MACROD2: variants seen among roughly 807,000 people sequenced by gnomAD.
MACROD2 encodes ADP-ribose glycohydrolase MACROD2.
In MACROD2, 36 loss-of-function variants were observed where a neutral mutation model predicts 70.4. The ratio of observed to expected loss-of-function variants is 0.51; its 90% CI spans 0.39 to 0.68. MACROD2 has a LOEUF of 0.68. MACROD2 is among the 30% of genes least tolerant of loss of function. MACROD2 has a pLI of 0.00. For missense variants in MACROD2, 496 were observed against 538.4 expected (o/e 0.92, Z 0.78); for synonymous variants, 172 against 178.8 (o/e 0.96, Z 0.30).
rs990333308 is a variant in MACROD2 at position 14,025,201 on chromosome 20, G to A, written c.163+22797G>A. 1.5e-4 allele frequency among the ~76,000 whole-genome samples: 23 copies of A among 152,198 alleles called. 1 individual carries two copies. Among genetic ancestry groups the A allele is most frequent in the South Asian group, 4.1e-4 (2 of 4,820 alleles). ...TGTGATAGTAGTTTGTATTTCTGTGGGATCACTGGTGATCTCCCCTTTATC... is the reference window on the plus strand; with the variant it reads ...TGTGATAGTAGTTTGTATTTCTGTGAGATCACTGGTGATCTCCCCTTTATC... On this transcript the variant is annotated intron_variant, in intron 2 of 17. Transcript: ENST00000684519.
rs187429482 is a variant in MACROD2 at position 15,748,874 on chromosome 20, G to C, written c.646-113871G>C. On this transcript the variant is annotated intron_variant, in intron 8 of 17. Transcript: ENST00000684519. Reference sequence around the variant, plus strand: ...GTGGGGAGGTGGAGGGCTATAGTAAGAAGAGCAGGCTTTAATCTTCGTTCC... The same window carrying C: ...GTGGGGAGGTGGAGGGCTATAGTAACAAGAGCAGGCTTTAATCTTCGTTCC... Among the ~76,000 whole-genome samples, 113 of 152,232 alleles carry C rather than the reference G, an allele frequency of 7.4e-4. 1 individual carries two copies. Among genetic ancestry groups the C allele is most frequent in the African/African-American group, 2.6e-3 (109 of 41,548 alleles).
chr20:14,846,188 A>G (rs539364543), intron 5 of MACROD2, among the ~76,000 whole-genome samples: 2 of 152,280 alleles, frequency 1.3e-5, no homozygotes, highest in South Asian at 4.1e-4. Flanking sequence ...GGTAGAGACT[A>G]TCAGTTTAAG....
chr20:15,154,157 G>A (rs73097568), intron 5 of MACROD2, among the ~76,000 whole-genome samples: 30,291 of 152,082 alleles, frequency 0.2, 4,152 homozygotes, highest in Non-Finnish European at 0.3. Flanking sequence ...TTCTAGCAGC[G>A]ATATTTCTTC....
intron 3 of MACROD2, among the ~76,000 whole-genome samples, chr20:14,331,640 T>A (rs2082843326): frequency 1.3e-5 from 2 of 152,148 alleles, no homozygotes; most frequent in African/African-American, 4.8e-5. Context: ...AAACAGTTCA[T>A]GTTTAACTAC....
intron 3 of MACROD2, among the ~76,000 whole-genome samples, chr20:14,116,461 G>A (rs572684530): frequency 6.6e-5 from 10 of 152,214 alleles, no homozygotes; most frequent in African/African-American, 2.2e-4. Context: ...TAGTTAGAAT[G>A]GTGGTAAATT....
At chr20:14,459,588 T>G (rs1159993512) in intron 3 of MACROD2, among the ~76,000 whole-genome samples, 1 of 152,072 alleles carries the variant, frequency 6.6e-6, no homozygotes, top group Non-Finnish European at 1.5e-5. Context: ...GCTTTAAAAC[T>G]TTCTCCTTTA....
chr20:15,271,194 A>T (rs973061323), intron 6 of MACROD2, among the ~76,000 whole-genome samples: 1 of 152,194 alleles, frequency 6.6e-6, no homozygotes, highest in Non-Finnish European at 1.5e-5. Flanking sequence ...AGATCAAAGC[A>T]CTAGCAGATT....
intron 2 of MACROD2, among the ~76,000 whole-genome samples, chr20:14,056,993 A>G (rs1191892586): frequency 6.6e-6 from 1 of 151,984 alleles, no homozygotes; most frequent in Non-Finnish European, 1.5e-5. Context: ...AATATATTTT[A>G]TTCTTCATCA....
chr20:14,199,792 G>C (rs991288536), intron 3 of MACROD2, among the ~76,000 whole-genome samples: 1 of 151,742 alleles, frequency 6.6e-6, no homozygotes, highest in Non-Finnish European at 1.5e-5. Flanking sequence ...ACAGTTTTTT[G>C]AGGCAGGTAC....
chr20:14,784,564 A>G (rs935188080), intron 5 of MACROD2, among the ~76,000 whole-genome samples: 1 of 150,392 alleles, frequency 6.6e-6, no homozygotes, highest in African/African-American at 2.4e-5. Context: ...TTACTGTGGT[A>G]CCCACTCCAG....
intron 8 of MACROD2, among the ~76,000 whole-genome samples, chr20:15,699,550 C>T (rs2146893189): frequency 6.6e-6 from 1 of 152,246 alleles, no homozygotes; most frequent in East Asian, 1.9e-4. Context: ...TGCTGGTTGG[C>T]CTCCTGCCAG....
chr20:16,004,122 AC>A (rs1360896916), intron 15 of MACROD2, among the ~76,000 whole-genome samples: 2 of 151,850 alleles, frequency 1.3e-5, no homozygotes, highest in Non-Finnish European at 2.9e-5. Context: ...GTCACTGTGG[AC>A]CCCCAGTACC....
chr20:15,733,973 C>A (rs962463345), intron 8 of MACROD2, among the ~76,000 whole-genome samples: 1 of 152,002 alleles, frequency 6.6e-6, no homozygotes, highest in African/African-American at 2.4e-5. Flanking sequence ...GTTGCAAGAA[C>A]CAAGAATTAT....
At chr20:15,722,950 G>A (rs1411368605) in intron 8 of MACROD2, among the ~76,000 whole-genome samples, 1 of 151,966 alleles carries the variant, frequency 6.6e-6, no homozygotes, top group African/African-American at 2.4e-5. Context: ...ATATCCAGTT[G>A]TCCCATTGAT....
rs372752412 is a variant in MACROD2 at position 15,415,521 on chromosome 20, A to G, written c.541-15884A>G. ...CCTTCCACACACTTTAAAGGAATATAACACTTGGCTGTAGTAAGTTTTATC... is the reference window on the plus strand; with the variant it reads ...CCTTCCACACACTTTAAAGGAATATGACACTTGGCTGTAGTAAGTTTTATC... On this transcript the variant is annotated intron_variant, in intron 6 of 17. Coordinates refer to ENST00000684519, the MANE Select transcript of MACROD2 (RefSeq NM_001351661.2). Among the ~76,000 whole-genome samples the G allele has an allele frequency of 3.5e-4, 53 of 152,358 alleles. 1 individual carries two copies. The South Asian group carries it at 0.011, about 30-fold the overall frequency.
intron 3 of MACROD2, among the ~76,000 whole-genome samples, chr20:14,095,841 G>A (rs2054216593): frequency 6.6e-6 from 1 of 152,178 alleles, no homozygotes; most frequent in Non-Finnish European, 1.5e-5. Context: ...AGCAGGTCTG[G>A]AAACATGGCC....
At chr20:15,292,772 G>T in intron 6 of MACROD2, among the ~76,000 whole-genome samples, 1 of 152,074 alleles carries the variant, frequency 6.6e-6, no homozygotes. Flanking sequence ...TACTTAAAAC[G>T]TTATACTAAT....
At chr20:14,415,071 A>G (rs1002184498) in intron 3 of MACROD2, among the ~76,000 whole-genome samples, 5 of 152,286 alleles carry the variant, frequency 3.3e-5, no homozygotes, top group Admixed American at 3.3e-4. Context: ...TAGTTTTTTC[A>G]GTATCTAAAA....
chr20:14,841,445 G>C (rs2073085756), intron 5 of MACROD2, among the ~76,000 whole-genome samples: 1 of 151,962 alleles, frequency 6.6e-6, no homozygotes, highest in African/African-American at 2.4e-5. Flanking sequence ...ATGGATCTTT[G>C]AAATATTTCC....
Sources: allele counts gnomAD v4.1 joint callset (sites outside exome capture counted in the v4.1 genomes callset), GRCh38; gene constraint gnomAD v4.1.1; transcripts MANE v1.5; gene names NCBI Gene and HGNC (gene_info 2026-07-23, HGNC 2026-07-21).